Variants in GFRA2 observed in about 807,000 individuals in gnomAD.
The protein encoded by GFRA2 is GDNF family receptor alpha 2, also known as GDNF family receptor alpha-2.
A neutral mutation model predicts 48.3 loss-of-function variants in GFRA2; 17 were observed. That is an observed-to-expected ratio of 0.35 (90% CI 0.24 to 0.53). The LOEUF is 0.53. GFRA2 is among the 20% of genes least tolerant of loss of function. The pLI is 0.93. For missense variants in GFRA2, 660 were observed against 637.3 expected (o/e 1.04, Z -0.38); for synonymous variants, 305 against 257.2 (o/e 1.19, Z -1.78).
chr8:21,803,764 C>A (rs1385662249), intron 2 of GFRA2, among the ~76,000 whole-genome samples: 1 of 152,198 alleles, frequency 6.6e-6, no homozygotes, highest in Non-Finnish European at 1.5e-5. Context: ...TCCCAAGTAG[C>A]TGGGACTACA....
chr8:21,777,432 C>T (rs1338844369), intron 2 of GFRA2, among the ~76,000 whole-genome samples: 5 of 152,198 alleles, frequency 3.3e-5, no homozygotes, highest in African/African-American at 1.2e-4. Context: ...ACAGCCTCTT[C>T]CGGAACTGAT....
intron 4 of GFRA2, among the ~76,000 whole-genome samples, chr8:21,714,705 A>C (rs1803247238): frequency 1.3e-5 from 2 of 152,160 alleles, no homozygotes; most frequent in South Asian, 4.1e-4. Flanking sequence ...CAATCCCACG[A>C]AGTAGCATAT....
intron 3 of GFRA2, among the ~76,000 whole-genome samples, chr8:21,772,044 G>A (rs1040654439): frequency 6.6e-6 from 1 of 152,154 alleles, no homozygotes; most frequent in Non-Finnish European, 1.5e-5. Context: ...CAGGAGGCTC[G>A]TGATGGCCTG....
At position 21,788,839 on chromosome 8, in the gene GFRA2, C is replaced by T. The variant is rs1253327513; in HGVS notation, c.-680G>A. 1.0e-6 allele frequency: 1 copy of T among 974,416 alleles called. No homozygotes were observed. Among genetic ancestry groups the T allele is most frequent in the Non-Finnish European group, 1.2e-6 (1 of 819,878 alleles). 60.4% of individuals were successfully genotyped at this position (974,416 alleles called of 1,614,324 possible). ...CTCTCCTCTCTCTCTCTCTCCTCTC[C>T]CTCGCTCGCTCTTTGCTCTCGCTCT... On this transcript the variant is annotated 5_prime_UTR_variant, in exon 1 of 9. Transcript: ENST00000524240.
chr8:21,777,422 AC>A (rs1806761151), intron 2 of GFRA2, among the ~76,000 whole-genome samples: 1 of 151,896 alleles, frequency 6.6e-6, no homozygotes, highest in Admixed American at 6.6e-5. Flanking sequence ...CAGGGTGGGG[AC>A]AGCCTCTTCC....
chr8:21,754,814 T>C (rs532386130), intron 3 of GFRA2, among the ~76,000 whole-genome samples: 6 of 152,272 alleles, frequency 3.9e-5, no homozygotes, highest in Admixed American at 2.0e-4. Flanking sequence ...TGGCCAACAA[T>C]AGCCCTTTAA....
chr8:21,707,696 T>C (rs956030019), intron 4 of GFRA2, among the ~76,000 whole-genome samples: 2 of 152,174 alleles, frequency 1.3e-5, no homozygotes, highest in African/African-American at 4.8e-5. Context: ...TTCTTATGTA[T>C]CAAATGAATA....
At position 21,768,819 on chromosome 8, in the gene GFRA2, G is replaced by A. The variant is rs1458576892; in HGVS notation, c.439+6153C>T. The stretch of plus-strand genomic sequence containing the variant: ...CTGAGCTCTGTCATGGAGAAGTCCT[G>A]GGCTGGAGCACCCCAGAGAGGCCAC... On this transcript the variant is annotated intron_variant, in intron 3 of 8. Transcript: ENST00000524240. 2.0e-5 allele frequency among the ~76,000 whole-genome samples: 3 copies of A among 152,194 alleles called. No homozygotes were observed. The South Asian group carries it at 6.2e-4, about 32-fold the overall frequency.
upstream of GFRA2, chr8:21,790,091 T>G: frequency 1.0e-6 from 1 of 985,302 alleles, no homozygotes; most frequent in Non-Finnish European, 1.2e-6. Flanking sequence ...AGTCGCAGAA[T>G]TTACAATAAA....
intron 3 of GFRA2, among the ~76,000 whole-genome samples, chr8:21,764,795 G>A (rs1308449383): frequency 1.3e-5 from 2 of 152,154 alleles, no homozygotes; most frequent in Admixed American, 1.3e-4. Context: ...TCTCAAGACA[G>A]AACAAAACCA....
At chr8:21,782,511 AC>A in intron 2 of GFRA2, 73 bp downstream of exon 2, 2 of 1,156,174 alleles carry the variant, frequency 1.7e-6, no homozygotes, top group Non-Finnish European at 1.2e-6. Flanking sequence ...TCCCTCCTGA[AC>A]CCCTGGCCCG....
At chr8:21,697,511 C>T (rs754897022) in intron 7 of GFRA2, among the ~76,000 whole-genome samples, 16 of 152,014 alleles carry the variant, frequency 1.1e-4, no homozygotes, top group Non-Finnish European at 2.1e-4. Flanking sequence ...GCTGACCTTT[C>T]CTGAAGGTGG....
At chr8:21,790,244 C>T (rs1386181386), upstream of GFRA2, 1 of 201,294 alleles carries the variant, frequency 5.0e-6, no homozygotes, top group Non-Finnish European at 8.9e-6. Flanking sequence ...CGGCATCCCC[C>T]GGCCCTCGCG....
Position 21,702,952 on chromosome 8 carries a change from G to A in GFRA2, c.1071C>T (p.Asn357=), listed in dbSNP as rs375520565. The change falls in exon 7 of 9, where the codon AAC becomes AAT. Residue 357 remains asparagine, a synonymous_variant. Coordinates refer to ENST00000524240, the MANE Select transcript of GFRA2 (RefSeq NM_001495.5). ...TTGGGGACACGTTCACGTCCGTGCC[G>A]TTGCCAAAGGCCTGGATGGCGTTCC... ...CLRNAIQAFG[N]GTDVNVSPKG... is the part of the protein sequence containing the mutation. 4.2e-5 allele frequency: 64 copies of A among 1,541,594 alleles called. No homozygotes were observed. The highest frequency in any genetic ancestry group is 1.8e-4 in the Middle Eastern group (1 of 5,472).
chr8:21,746,329 G>A (rs190631388), intron 4 of GFRA2, among the ~76,000 whole-genome samples: 3 of 152,286 alleles, frequency 2.0e-5, no homozygotes, highest in Admixed American at 2.0e-4. Context: ...CCATGCTCGT[G>A]CCAGACTCTT....
intron 3 of GFRA2, among the ~76,000 whole-genome samples, chr8:21,759,888 CAAAAAAAA>C (rs35385607): frequency 5.7e-5 from 6 of 105,134 alleles, no homozygotes; most frequent in Non-Finnish European, 1.0e-4. Context: ...GATTGCGTCT[CAAAAAAAA>C]AAAAAAAAAA....
At chr8:21,721,113 C>A (rs1260419188) in intron 4 of GFRA2, among the ~76,000 whole-genome samples, 1 of 152,048 alleles carries the variant, frequency 6.6e-6, no homozygotes, top group Non-Finnish European at 1.5e-5. Flanking sequence ...AGCAGGAGAT[C>A]TAAGAACTCT....
chr8:21,729,618 T>A (rs1181324053), intron 4 of GFRA2, among the ~76,000 whole-genome samples: 4 of 152,142 alleles, frequency 2.6e-5, no homozygotes, highest in Admixed American at 2.0e-4. Flanking sequence ...TACAATGTTG[T>A]CAAAATCCAC....
At chr8:21,782,941 C>T in intron 1 of GFRA2, 42 bp from the exon 2 acceptor site, 1 of 1,502,358 alleles carries the variant, frequency 6.7e-7, no homozygotes, top group Non-Finnish European at 9.0e-7. Context: ...TGACGGCCGC[C>T]ACAATCTCCC....
Sources: allele counts gnomAD v4.1 joint callset (sites outside exome capture counted in the v4.1 genomes callset), GRCh38; gene constraint gnomAD v4.1.1; transcripts MANE v1.5; gene names NCBI Gene and HGNC (gene_info 2026-07-23, HGNC 2026-07-21).